Variants in NDRG2 observed in about 807,000 individuals in gnomAD.
NDRG2 encodes protein NDRG2.
In NDRG2, 34 loss-of-function variants were observed where a neutral mutation model predicts 58.2. That is an observed-to-expected ratio of 0.58 (90% CI 0.44 to 0.78). The LOEUF is 0.78. Among genes scored for constraint, NDRG2 ranks in the 30% least tolerant of loss-of-function variants. The pLI is 0.00. For missense variants in NDRG2, 434 were observed against 471.2 expected (o/e 0.92, Z 0.73); for synonymous variants, 187 against 175.9 (o/e 1.06, Z -0.50).
intron 1 of NDRG2, chr14:21,042,894 C>G: frequency 1.0e-6 from 1 of 986,804 alleles, no homozygotes; most frequent in Non-Finnish European, 1.5e-6. Context: ...AGATGGGTGA[C>G]TAGCTCATAT....
At chr14:21,021,501 G>C (rs1880295301) in intron 6 of NDRG2, 1 of 381,554 alleles carries the variant, frequency 2.6e-6, no homozygotes, top group South Asian at 2.8e-5. Context: ...AGGTCTATCT[G>C]GTTCCTCAGG....
chr14:21,058,234 G>C, intron 1 of NDRG2: 1 of 1,614,138 alleles, frequency 6.2e-7, no homozygotes. Flanking sequence ...CCTCAGGGAA[G>C]TACCCAAACT....
upstream of NDRG2, chr14:21,028,963 G>A (rs1261167076): frequency 6.6e-6 from 1 of 152,218 alleles, no homozygotes; most frequent in Non-Finnish European, 1.5e-5. Flanking sequence ...TCATCTATCT[G>A]TAGTGCTTCT....
chr14:21,033,785 T>G, intron 1 of NDRG2: 2 of 1,322,920 alleles, frequency 1.5e-6, no homozygotes, highest in Non-Finnish European at 2.2e-6. Flanking sequence ...ACAGCTGGCC[T>G]GTGGTGGTAG....
intron 14 of NDRG2, 30 bp from the exon 15 acceptor site, chr14:21,018,068 G>C: frequency 1.2e-6 from 2 of 1,609,126 alleles, no homozygotes; most frequent in Non-Finnish European, 1.7e-6. Flanking sequence ...CGAGGGAGAC[G>C]GTGAGATGAG....
At chr14:21,029,319 G>A (rs901534380), upstream of NDRG2, 21 of 152,126 alleles carry the variant, frequency 1.4e-4, no homozygotes, top group African/African-American at 4.8e-4. Flanking sequence ...CCTAACTCCC[G>A]GCTGGACGCA....
chr14:21,058,103 C>G, intron 1 of NDRG2: 1 of 1,614,164 alleles, frequency 6.2e-7, no homozygotes. Context: ...CAACACCTTC[C>G]TGCACGAGCC....
At chr14:21,033,562 T>G in intron 1 of NDRG2, 2 of 523,412 alleles carry the variant, frequency 3.8e-6, no homozygotes, top group Non-Finnish European at 6.9e-6. Flanking sequence ...CTTGGGTGGG[T>G]TTTACTGTCT....
intron 1 of NDRG2, chr14:21,042,815 G>A (rs1884962458): frequency 4.9e-6 from 3 of 610,164 alleles, no homozygotes; most frequent in Non-Finnish European, 2.9e-6. Context: ...GGGCTGCAGT[G>A]GATGTGGACA....
Position 21,024,117 on chromosome 14 carries a change from G to C in NDRG2, c.-94C>G. The C allele has an allele frequency of 1.0e-6, 1 of 985,436 alleles. No homozygotes were observed. Among genetic ancestry groups the C allele is most frequent in the African/African-American group, 1.7e-5 (1 of 57,330 alleles). 61.0% of individuals were successfully genotyped at this position (985,436 alleles called of 1,614,324 possible). A position where few individuals can be genotyped will look rare whatever the true frequency, so the allele number is the denominator to read the frequency against. ...GGGGTCTGAGAAAACACAGCAACGA[G>C]GTGAATGACATGGGAGACAGACCTG... On this transcript the variant is annotated 5_prime_UTR_variant, in exon 1 of 16. Transcript: ENST00000556147.
intron 1 of NDRG2, chr14:21,057,987 T>C (rs1183478188): frequency 1.2e-6 from 2 of 1,613,940 alleles, no homozygotes; most frequent in East Asian, 2.2e-5. Context: ...CCCAAGGACA[T>C]GACATCATCT....
At chr14:21,023,082 G>A in intron 2 of NDRG2, 159 bp downstream of exon 2, 1 of 914,454 alleles carries the variant, frequency 1.1e-6, no homozygotes, top group Non-Finnish European at 1.7e-6. Flanking sequence ...CGAGACAAGG[G>A]CCTGACTCCC....
At chr14:21,059,868 T>A (rs537363773) in intron 1 of NDRG2, among the ~76,000 whole-genome samples, 36 of 152,324 alleles carry the variant, frequency 2.4e-4, no homozygotes, top group African/African-American at 8.4e-4. Context: ...TGTACTTGTA[T>A]TGATAGATAT....
rs558791952 is a variant in NDRG2 at position 21,019,740 on chromosome 14, T to C, written c.615A>G (p.Glu205=). Residue 205 remains glutamate, a splice_region_variant and synonymous_variant, in exon 10 of 16, where the codon GAA becomes GAG. Coordinates refer to ENST00000556147, the MANE Select transcript of NDRG2 (RefSeq NM_001320329.2). ...TCAACTCAGAATTTCCAGAGAGCTC[T>C]TCCTGAAGGAGAGAACAAGGAGAAA... ...EMILGHLFSQ[E]ELSGNSELIQ... The C allele has an allele frequency of 1.9e-6, 3 of 1,606,230 alleles. No individual in the cohort carries two copies. The South Asian group carries it at 3.3e-5, about 18-fold the overall frequency.
At chr14:21,032,664 C>T (rs1359540783) in intron 1 of NDRG2, 3 of 342,898 alleles carry the variant, frequency 8.7e-6, no homozygotes, top group Non-Finnish European at 1.7e-5. Context: ...TTTTACCCCA[C>T]ATCACCTCCA....
intron 1 of NDRG2, among the ~76,000 whole-genome samples, chr14:21,054,370 G>A (rs1885591029): frequency 6.6e-6 from 1 of 151,604 alleles, no homozygotes; most frequent in South Asian, 2.1e-4. Context: ...ACACTGCTGA[G>A]TTCAGTGTCA....
intron 1 of NDRG2, chr14:21,032,115 T>C: frequency 6.3e-7 from 1 of 1,595,878 alleles, no homozygotes; most frequent in Non-Finnish European, 8.6e-7. Flanking sequence ...CCCCTGACCC[T>C]GCATGTTTAA....
chr14:21,060,977 A>T (rs1042044827), intron 1 of NDRG2, among the ~76,000 whole-genome samples: 2 of 152,180 alleles, frequency 1.3e-5, no homozygotes, highest in African/African-American at 4.8e-5. Flanking sequence ...ACGGCCTTGG[A>T]GGGGGCCGTG....
At chr14:21,039,623 C>G (rs1884802346) in intron 1 of NDRG2, among the ~76,000 whole-genome samples, 1 of 152,188 alleles carries the variant, frequency 6.6e-6, no homozygotes, top group Non-Finnish European at 1.5e-5. Context: ...ATCTTGGAAG[C>G]TGGATAATTT....
Sources: gnomAD v4.1 joint callset for allele counts (sites outside exome capture counted in the v4.1 genomes callset) on GRCh38, gnomAD v4.1.1 for gene constraint, MANE v1.5 for transcripts, NCBI Gene and HGNC (gene_info 2026-07-23, HGNC 2026-07-21) for gene names.